Variants in SUGCT observed in about 807,000 individuals in gnomAD.
SUGCT encodes succinyl-CoA:glutarate CoA-transferase.
Under a neutral mutation model 55.0 loss-of-function variants are expected in SUGCT, and 41 were observed. The observed-to-expected ratio is 0.74, with a 90% CI of 0.58 to 0.97. The LOEUF (loss-of-function observed/expected upper bound fraction) is 0.97. Ranked by LOEUF, SUGCT falls within the 50% of genes least tolerant of loss-of-function variation. The pLI, the probability that SUGCT is intolerant of heterozygous loss-of-function variation, is 0.00. For missense variants in SUGCT, 568 were observed against 547.8 expected (o/e 1.04, Z -0.37); for synonymous variants, 187 against 200.4 (o/e 0.93, Z 0.56).
At chr7:40,971,301 A>G in the SUGCT span, among the ~76,000 whole-genome samples, 1 of 152,110 alleles carries the variant, frequency 6.6e-6, no homozygotes, top group Admixed American at 6.5e-5. Flanking sequence ...ATCTGCCCCC[A>G]TGATCCCATC....
At chr7:40,528,180 C>T (rs995337241) in intron 12 of SUGCT, among the ~76,000 whole-genome samples, 2 of 152,120 alleles carry the variant, frequency 1.3e-5, no homozygotes, top group African/African-American at 4.8e-5. Context: ...CTGCAATGCC[C>T]TTAGAACAAT....
At chr7:40,244,225 A>G (rs1367148292) in intron 7 of SUGCT, among the ~76,000 whole-genome samples, 1 of 152,182 alleles carries the variant, frequency 6.6e-6, no homozygotes, top group Non-Finnish European at 1.5e-5. Flanking sequence ...GGTTCAGGGT[A>G]GGACTTTAAG....
rs185100776 is a variant in SUGCT at position 40,225,679 on chromosome 7, G to A, written c.485-11956G>A. 1.1e-4 allele frequency among the ~76,000 whole-genome samples: 17 copies of A among 151,940 alleles called. No individual in the cohort carries two copies. In the East Asian group the frequency reaches 2.3e-3, roughly 21 times the overall value. On this transcript the variant is annotated intron_variant, in intron 6 of 13. Coordinates refer to ENST00000335693, the MANE Select transcript of SUGCT (RefSeq NM_001193313.2). Reference sequence around the variant, plus strand: ...TTGAACTCCTGACCTCAATTAATCCGCCTGCCTCAGCCTCCCAAATTGCTG... The same window carrying A: ...TTGAACTCCTGACCTCAATTAATCCACCTGCCTCAGCCTCCCAAATTGCTG...
intron 11 of SUGCT, among the ~76,000 whole-genome samples, chr7:40,481,649 A>G (rs79808720): frequency 6.6e-6 from 1 of 152,092 alleles, no homozygotes; most frequent in Non-Finnish European, 1.5e-5. Context: ...ATAACCAGGG[A>G]TTTTGTAAAA....
chr7:40,929,547 A>T, the SUGCT span, among the ~76,000 whole-genome samples: 1 of 152,224 alleles, frequency 6.6e-6, no homozygotes, highest in African/African-American at 2.4e-5. Flanking sequence ...CCAACAGTGT[A>T]AAAGTGTCAC....
chr7:40,673,524 A>G (rs955377027), intron 12 of SUGCT, among the ~76,000 whole-genome samples: 4 of 152,170 alleles, frequency 2.6e-5, no homozygotes, highest in Admixed American at 2.6e-4. Context: ...TCTTGCCTCA[A>G]AGCCTTCTTT....
At chr7:40,635,507 A>C (rs186251749) in intron 12 of SUGCT, among the ~76,000 whole-genome samples, 42 of 152,346 alleles carry the variant, frequency 2.8e-4, no homozygotes, top group African/African-American at 1.0e-3. Context: ...GAAAGTCATG[A>C]GTTATCAGCC....
chr7:40,402,492 TG>T (rs1786129721), intron 9 of SUGCT, among the ~76,000 whole-genome samples: 1 of 152,172 alleles, frequency 6.6e-6, no homozygotes, highest in African/African-American at 2.4e-5. Context: ...TAAACTTCTA[TG>T]GGGGAAAATT....
chr7:40,586,626 G>A (rs888316480), intron 12 of SUGCT, among the ~76,000 whole-genome samples: 14 of 152,206 alleles, frequency 9.2e-5, no homozygotes, highest in African/African-American at 3.4e-4. Flanking sequence ...TGGAAGTAGA[G>A]CAGAGTTTGA....
chr7:40,646,318 ATCTATTT>A (rs1306521570), intron 12 of SUGCT, among the ~76,000 whole-genome samples: 5 of 152,086 alleles, frequency 3.3e-5, no homozygotes, highest in Non-Finnish European at 7.4e-5. Context: ...TCTATCTATT[ATCTATTT>A]TCTATCTGTT....
rs541013976 is a variant in SUGCT at position 40,686,343 on chromosome 7, A to G, written c.1090-63091A>G. 9.2e-5 allele frequency among the ~76,000 whole-genome samples: 14 copies of G among 152,356 alleles called. No individual in the cohort carries two copies. In the East Asian group the frequency reaches 2.3e-3, roughly 25 times the overall value. Reference sequence around the variant, plus strand: ...TACTTTCCTTACTGAAAAAATGAGAATAGTAATGGTACTTCTAAAACTGGT... The same window carrying G: ...TACTTTCCTTACTGAAAAAATGAGAGTAGTAATGGTACTTCTAAAACTGGT... On this transcript the variant is annotated intron_variant, in intron 12 of 13. Transcript: ENST00000335693.
chr7:40,209,594 C>T (rs1436124432), intron 6 of SUGCT, among the ~76,000 whole-genome samples: 2 of 152,132 alleles, frequency 1.3e-5, no homozygotes, highest in Admixed American at 6.6e-5. Flanking sequence ...GTCCGGAGTT[C>T]GAGACCAGCC....
At chr7:40,837,196 C>T (rs1261050538) in intron 13 of SUGCT, among the ~76,000 whole-genome samples, 2 of 152,044 alleles carry the variant, frequency 1.3e-5, no homozygotes, top group African/African-American at 4.8e-5. Flanking sequence ...TAATATTGAA[C>T]GTCTTTATAT....
intron 9 of SUGCT, among the ~76,000 whole-genome samples, chr7:40,329,691 G>A (rs1386911871): frequency 6.6e-6 from 1 of 152,136 alleles, no homozygotes; most frequent in Non-Finnish European, 1.5e-5. Flanking sequence ...AACAAGATGT[G>A]TGCACAGGTG....
chr7:40,245,423 ATTTTTT>A (rs1168316176), intron 7 of SUGCT, among the ~76,000 whole-genome samples: 1 of 54,590 alleles, frequency 1.8e-5, no homozygotes, highest in Non-Finnish European at 3.3e-5. Flanking sequence ...ATATATATAT[ATTTTTT>A]TTTTTTTTTT....
chr7:40,579,224 C>T (rs920924186), intron 12 of SUGCT, among the ~76,000 whole-genome samples: 3 of 151,982 alleles, frequency 2.0e-5, no homozygotes, highest in South Asian at 4.2e-4. Context: ...ACTTGAAGAC[C>T]GCCACTGACA....
chr7:40,525,586 A>G (rs1182403148), intron 12 of SUGCT, among the ~76,000 whole-genome samples: 1 of 152,124 alleles, frequency 6.6e-6, no homozygotes, highest in Non-Finnish European at 1.5e-5. Context: ...TGACATTTAG[A>G]AGAATCTGAA....
the SUGCT span, among the ~76,000 whole-genome samples, chr7:40,897,378 A>G: frequency 6.6e-6 from 1 of 151,966 alleles, no homozygotes; most frequent in Non-Finnish European, 1.5e-5. Context: ...ATCATGTTGC[A>G]CACTTTAAAT....
chr7:40,527,307 T>C (rs1215439949), intron 12 of SUGCT, among the ~76,000 whole-genome samples: 1 of 152,112 alleles, frequency 6.6e-6, no homozygotes, highest in African/African-American at 2.4e-5. Context: ...ATAAAAAGAG[T>C]TGCAGATTGA....
Sources: allele counts gnomAD v4.1 joint callset (sites outside exome capture counted in the v4.1 genomes callset), GRCh38; gene constraint gnomAD v4.1.1; transcripts MANE v1.5; gene names NCBI Gene and HGNC (gene_info 2026-07-23, HGNC 2026-07-21).